ZNF385D: variants seen among roughly 807,000 people sequenced by gnomAD.
ZNF385D encodes the protein zinc finger protein 659.
Under a neutral mutation model 35.8 loss-of-function variants are expected in ZNF385D, and 15 were observed. The ratio of observed to expected loss-of-function variants is 0.42; its 90% CI spans 0.28 to 0.64. The LOEUF (loss-of-function observed/expected upper bound fraction) is 0.64, where lower values mean the gene tolerates loss of function less well. Ranked by LOEUF, ZNF385D falls within the 30% of genes least tolerant of loss-of-function variation. The pLI is 0.23. For synonymous variants in ZNF385D, 212 were observed against 186.8 expected (o/e 1.13, Z -1.10); for missense variants, 474 against 494.6 (o/e 0.96, Z 0.39).
intron 2 of ZNF385D, among the ~76,000 whole-genome samples, chr3:21,583,879 A>G (rs1050165111): frequency 6.7e-5 from 10 of 150,346 alleles, no homozygotes; most frequent in Admixed American, 2.0e-4. Flanking sequence ...AAGTTATTCA[A>G]TTTTTTTCTT....
chr3:21,848,028 G>A (rs1484684917), intron 3 of ZNF385D, among the ~76,000 whole-genome samples: 2 of 151,820 alleles, frequency 1.3e-5, no homozygotes, highest in Non-Finnish European at 2.9e-5. Flanking sequence ...TCTACTCCCT[G>A]CTTCTATAAG....
intron 1 of ZNF385D, among the ~76,000 whole-genome samples, chr3:21,712,052 G>A (rs965419577): frequency 3.9e-5 from 6 of 152,084 alleles, no homozygotes; most frequent in African/African-American, 1.4e-4. Context: ...TTTAAAAGGT[G>A]TACCCCACCA....
chr3:22,240,047 G>C (rs1339501217), intron 2 of ZNF385D, among the ~76,000 whole-genome samples: 1 of 149,890 alleles, frequency 6.7e-6, no homozygotes, highest in African/African-American at 2.5e-5. Flanking sequence ...CCCAGGTATG[G>C]TGGCACATGC....
At chr3:22,164,097 GT>G in intron 3 of ZNF385D, among the ~76,000 whole-genome samples, 1 of 150,886 alleles carries the variant, frequency 6.6e-6, no homozygotes, top group East Asian at 2.0e-4. Flanking sequence ...GAAATAATAT[GT>G]TTCTATATTA....
chr3:21,422,756 G>A (rs1463631291), intron 7 of ZNF385D, among the ~76,000 whole-genome samples: 1 of 152,144 alleles, frequency 6.6e-6, no homozygotes. Flanking sequence ...TATCTCAATG[G>A]ATGCAGAAAA....
intron 3 of ZNF385D, among the ~76,000 whole-genome samples, chr3:21,946,000 T>C (rs1559780196): frequency 1.3e-5 from 2 of 152,194 alleles, no homozygotes; most frequent in African/African-American, 4.8e-5. Flanking sequence ...TAATCATCTC[T>C]TAATTTTACT....
chr3:22,266,469 G>A (rs1408766944), intron 2 of ZNF385D, among the ~76,000 whole-genome samples: 1 of 151,934 alleles, frequency 6.6e-6, no homozygotes, highest in African/African-American at 2.4e-5. Flanking sequence ...CTGGCTGACT[G>A]CTATCTTATT....
intron 4 of ZNF385D, among the ~76,000 whole-genome samples, chr3:21,460,081 G>T (rs894255420): frequency 7.9e-5 from 12 of 152,116 alleles, no homozygotes; most frequent in African/African-American, 2.9e-4. Context: ...TTGCTCTTTA[G>T]TGTCCATGTT....
chr3:21,674,429 C>A (rs893091340), intron 1 of ZNF385D, among the ~76,000 whole-genome samples: 1 of 152,056 alleles, frequency 6.6e-6, no homozygotes, highest in Non-Finnish European at 1.5e-5. Context: ...GGAACTGATT[C>A]AATCCAGAAT....
At chr3:22,266,932 T>C (rs2125354706) in intron 2 of ZNF385D, among the ~76,000 whole-genome samples, 1 of 152,064 alleles carries the variant, frequency 6.6e-6, no homozygotes, top group East Asian at 1.9e-4. Context: ...CAATCTTTCC[T>C]TCCGAGGATA....
intron 3 of ZNF385D, among the ~76,000 whole-genome samples, chr3:21,764,951 C>T (rs2070764323): frequency 6.6e-6 from 1 of 152,104 alleles, no homozygotes; most frequent in Non-Finnish European, 1.5e-5. Flanking sequence ...TATGGATGCC[C>T]TTGCTTTTAA....
At chr3:22,262,882 T>A (rs575700026) in intron 2 of ZNF385D, among the ~76,000 whole-genome samples, 1 of 151,930 alleles carries the variant, frequency 6.6e-6, no homozygotes, top group Admixed American at 6.6e-5. Context: ...CAGATCTTTC[T>A]CATATTAGAA....
chr3:21,923,007 A>C (rs1004715399), intron 3 of ZNF385D, among the ~76,000 whole-genome samples: 2 of 151,220 alleles, frequency 1.3e-5, no homozygotes, highest in Admixed American at 6.6e-5. Context: ...GAGGACATAC[A>C]AGTGGCCAAC....
intron 3 of ZNF385D, among the ~76,000 whole-genome samples, chr3:22,142,609 C>A (rs1269771669): frequency 1.3e-5 from 2 of 152,042 alleles, no homozygotes; most frequent in African/African-American, 4.8e-5. Context: ...AACATATCCG[C>A]ACAGATTGTG....
At chr3:21,454,907 C>G (rs1207232134) in intron 4 of ZNF385D, among the ~76,000 whole-genome samples, 1 of 152,112 alleles carries the variant, frequency 6.6e-6, no homozygotes, top group African/African-American at 2.4e-5. Context: ...GATACAAAAT[C>G]AATGTGCAAA....
At chr3:22,112,923 G>A (rs1023154788) in intron 3 of ZNF385D, among the ~76,000 whole-genome samples, 1 of 152,074 alleles carries the variant, frequency 6.6e-6, no homozygotes, top group African/African-American at 2.4e-5. Flanking sequence ...ACAGTTATAT[G>A]TTATACATTG....
chr3:22,306,149 A>C (rs1304199198), intron 2 of ZNF385D, among the ~76,000 whole-genome samples: 2 of 151,976 alleles, frequency 1.3e-5, no homozygotes, highest in African/African-American at 4.8e-5. Context: ...CTGCTTGCAT[A>C]GTGATGGGGG....
At chr3:22,219,634 G>T (rs1213910737) in intron 2 of ZNF385D, among the ~76,000 whole-genome samples, 1 of 152,092 alleles carries the variant, frequency 6.6e-6, no homozygotes, top group Admixed American at 6.6e-5. Context: ...AATATTTCAG[G>T]TTTCATAAAG....
rs2072463216 is a variant in ZNF385D at position 21,802,728 on chromosome 3, G to C, written c.326-137700C>G. Among the ~76,000 whole-genome samples, 2 of 152,138 alleles carry C rather than the reference G, an allele frequency of 1.3e-5. 1 individual carries two copies. Among genetic ancestry groups the C allele is most frequent in the South Asian group, 4.1e-4 (2 of 4,830 alleles). ...ACTATCTGTGTGAACTTGGCAGTTA[G>C]TCTCTGAGCCTTTGTCTTTGACTCT... is the stretch of plus-strand genomic sequence containing the variant. On this transcript the variant is annotated intron_variant, in intron 3 of 5. Transcript: ENST00000494108.
Sources: gnomAD v4.1 joint callset for allele counts (sites outside exome capture counted in the v4.1 genomes callset) on GRCh38, gnomAD v4.1.1 for gene constraint, MANE v1.5 for transcripts, NCBI Gene and HGNC (gene_info 2026-07-23, HGNC 2026-07-21) for gene names.